Variants in LINGO2 observed in about 807,000 individuals in gnomAD.
LINGO2 encodes the protein leucine rich repeat and Ig domain containing 2.
A neutral mutation model predicts 30.6 loss-of-function variants in LINGO2; 14 were observed. The observed-to-expected ratio is 0.46, with a 90% confidence interval of 0.30 to 0.72. The LOEUF is 0.72. LINGO2 is among the 30% of genes least tolerant of loss of function. LINGO2 has a pLI of 0.07. For synonymous variants in LINGO2, 317 were observed against 288.5 expected (o/e 1.10, Z -1.00); for missense variants, 729 against 751.7 (o/e 0.97, Z 0.35).
chr9:29,054,156 A>T, the LINGO2 span, among the ~76,000 whole-genome samples: 1 of 152,152 alleles, frequency 6.6e-6, no homozygotes, highest in African/African-American at 2.4e-5. Context: ...TACCCCTTAG[A>T]TCTTTCATAT....
At chr9:28,194,452 A>C (rs773234988) in intron 4 of LINGO2, among the ~76,000 whole-genome samples, 2 of 151,714 alleles carry the variant, frequency 1.3e-5, no homozygotes, top group Non-Finnish European at 2.9e-5. Context: ...GCAACTAATC[A>C]ATTGTGGATC....
the LINGO2 span, among the ~76,000 whole-genome samples, chr9:29,058,462 A>C: frequency 6.6e-6 from 1 of 152,098 alleles, no homozygotes; most frequent in Admixed American, 6.6e-5. Flanking sequence ...AAAAACATAA[A>C]GTGACCTATG....
At chr9:28,045,108 TC>T (rs1003461251) in intron 4 of LINGO2, among the ~76,000 whole-genome samples, 8 of 150,622 alleles carry the variant, frequency 5.3e-5, no homozygotes, top group Admixed American at 1.3e-4. Flanking sequence ...TGAGACTTTT[TC>T]CCCCCCATCC....
intron 4 of LINGO2, among the ~76,000 whole-genome samples, chr9:28,106,602 A>G (rs1826600851): frequency 6.6e-6 from 1 of 152,108 alleles, no homozygotes; most frequent in Admixed American, 6.6e-5. Flanking sequence ...TTACTGCTCT[A>G]GTCTTACCTG....
At chr9:29,135,890 C>G in the LINGO2 span, among the ~76,000 whole-genome samples, 2 of 152,158 alleles carry the variant, frequency 1.3e-5, no homozygotes, top group African/African-American at 2.4e-5. Flanking sequence ...CTTTTTGTGA[C>G]TGGCTTATTT....
the LINGO2 span, among the ~76,000 whole-genome samples, chr9:29,002,193 A>G: frequency 1.3e-5 from 2 of 151,988 alleles, no homozygotes; most frequent in African/African-American, 4.8e-5. Flanking sequence ...GAATCCTCCA[A>G]TATCTTCATT....
intron 1 of LINGO2, among the ~76,000 whole-genome samples, chr9:28,565,984 G>A (rs2135571988): frequency 6.6e-6 from 1 of 152,154 alleles, no homozygotes; most frequent in East Asian, 1.9e-4. Context: ...TTAAAAATAT[G>A]AACATATAAT....
At chr9:28,016,850 G>T (rs752761639) in intron 4 of LINGO2, among the ~76,000 whole-genome samples, 4 of 151,740 alleles carry the variant, frequency 2.6e-5, no homozygotes, top group Admixed American at 2.6e-4. Context: ...ATCAAATCAG[G>T]AACCTAATAC....
At chr9:28,898,934 C>CA in the LINGO2 span, among the ~76,000 whole-genome samples, 1 of 152,058 alleles carries the variant, frequency 6.6e-6, no homozygotes, top group African/African-American at 2.4e-5. Flanking sequence ...GAAAGTTAAA[C>CA]AAAAAATCCC....
the LINGO2 span, among the ~76,000 whole-genome samples, chr9:28,999,081 G>A: frequency 1.3e-5 from 2 of 152,076 alleles, no homozygotes; most frequent in Non-Finnish European, 2.9e-5. Flanking sequence ...GGTAAATGAA[G>A]TTTAGTGATC....
At chr9:28,379,336 T>A (rs1005274160) in intron 2 of LINGO2, among the ~76,000 whole-genome samples, 1 of 152,110 alleles carries the variant, frequency 6.6e-6, no homozygotes, top group Non-Finnish European at 1.5e-5. Flanking sequence ...TGGCAAATGT[T>A]GCTCAGTTTA....
chr9:28,827,631 C>T, the LINGO2 span, among the ~76,000 whole-genome samples: 3 of 152,138 alleles, frequency 2.0e-5, no homozygotes, highest in South Asian at 2.1e-4. Flanking sequence ...TTGACAATTA[C>T]ACAAACATGA....
chr9:28,933,309 A>T, the LINGO2 span, among the ~76,000 whole-genome samples: 1 of 152,224 alleles, frequency 6.6e-6, no homozygotes, highest in Non-Finnish European at 1.5e-5. Flanking sequence ...GTTCCCCAAA[A>T]TCCTTAGTTT....
the LINGO2 span, among the ~76,000 whole-genome samples, chr9:28,750,295 C>A: frequency 6.6e-6 from 1 of 152,226 alleles, no homozygotes; most frequent in South Asian, 2.1e-4. Flanking sequence ...ACACCCCAGT[C>A]CCATATTCTG....
chr9:28,665,421 C>T (rs1048246396), intron 1 of LINGO2, among the ~76,000 whole-genome samples: 29 of 152,102 alleles, frequency 1.9e-4, no homozygotes, highest in Non-Finnish European at 3.7e-4. Flanking sequence ...GCAAATAAAT[C>T]TATTACATGA....
At chr9:28,716,436 T>C in the LINGO2 span, among the ~76,000 whole-genome samples, 1 of 152,034 alleles carries the variant, frequency 6.6e-6, no homozygotes. Flanking sequence ...AGTAATGTTA[T>C]AAGAGGTCTA....
chr9:28,893,493 A>G, the LINGO2 span, among the ~76,000 whole-genome samples: 6 of 152,128 alleles, frequency 3.9e-5, no homozygotes, highest in East Asian at 1.2e-3. Context: ...AACCCAACAA[A>G]TTGTCCATCA....
At chr9:28,225,568 T>C (rs1308177581) in intron 4 of LINGO2, among the ~76,000 whole-genome samples, 1 of 152,042 alleles carries the variant, frequency 6.6e-6, no homozygotes, top group Non-Finnish European at 1.5e-5. Flanking sequence ...AGAGAAAATA[T>C]ACTAAAAATT....
At chr9:28,609,255 T>A (rs1307187530) in intron 1 of LINGO2, among the ~76,000 whole-genome samples, 1 of 151,542 alleles carries the variant, frequency 6.6e-6, no homozygotes, top group African/African-American at 2.4e-5. Context: ...CTAGCAAGGA[T>A]GCAAAATATA....
Sources: allele counts gnomAD v4.1 joint callset (sites outside exome capture counted in the v4.1 genomes callset), GRCh38; gene constraint gnomAD v4.1.1; transcripts MANE v1.5; gene names NCBI Gene and HGNC (gene_info 2026-07-23, HGNC 2026-07-21).